Variants in SEMA3A observed in about 807,000 individuals in gnomAD.
SEMA3A encodes the protein semaphorin-3A.
In SEMA3A, 29 loss-of-function variants were observed where a neutral mutation model predicts 97.9. The observed-to-expected ratio is 0.30, with a 90% CI of 0.22 to 0.40. The LOEUF (loss-of-function observed/expected upper bound fraction) is 0.40, where lower values mean the gene tolerates loss of function less well. Ranked by LOEUF, SEMA3A falls within the 10% of genes least tolerant of loss-of-function variation. SEMA3A has a pLI of 1.00. For missense variants in SEMA3A, 763 were observed against 951.3 expected (o/e 0.80, Z 2.60); for synonymous variants, 321 against 323.7 (o/e 0.99, Z 0.09).
chr7:84,203,980 A>AAACATAGG (rs1365295335), intron 3 of SEMA3A, among the ~76,000 whole-genome samples: 1 of 152,176 alleles, frequency 6.6e-6, no homozygotes, highest in East Asian at 1.9e-4. Flanking sequence ...TTCTCCTTCA[A>AAACATAGG]AACATAGGAA....
intron 4 of SEMA3A, among the ~76,000 whole-genome samples, chr7:84,109,943 AT>A (rs1337224425): frequency 3.9e-5 from 6 of 152,284 alleles, no homozygotes; most frequent in African/African-American, 1.4e-4. Context: ...AAAAAAACAT[AT>A]TTTTTTCTTT....
intron 3 of SEMA3A, among the ~76,000 whole-genome samples, chr7:84,219,338 G>A (rs932506467): frequency 6.6e-6 from 1 of 152,114 alleles, no homozygotes; most frequent in Admixed American, 6.6e-5. Flanking sequence ...TAAGGTGGGA[G>A]AACATATCTA....
At chr7:83,963,382 T>C (rs1467870106) in intron 15 of SEMA3A, 35 bp from the exon 16 acceptor site, 1 of 1,583,628 alleles carries the variant, frequency 6.3e-7, no homozygotes, top group Non-Finnish European at 8.6e-7. Flanking sequence ...TGAGAAAATA[T>C]TAGAGAAGTA....
intron 4 of SEMA3A, among the ~76,000 whole-genome samples, chr7:84,108,221 G>A (rs971674217): frequency 1.3e-5 from 2 of 151,984 alleles, no homozygotes; most frequent in African/African-American, 4.8e-5. Flanking sequence ...ATACAGAGGA[G>A]GTAAATAATT....
intron 15 of SEMA3A, among the ~76,000 whole-genome samples, chr7:83,971,605 T>C (rs1261652628): frequency 1.3e-5 from 2 of 152,132 alleles, no homozygotes; most frequent in African/African-American, 4.8e-5. Flanking sequence ...TTAGATTCTA[T>C]GTAAATATTC....
intron 1 of SEMA3A, among the ~76,000 whole-genome samples, chr7:84,175,887 T>C (rs1351449425): frequency 6.6e-6 from 1 of 152,156 alleles, no homozygotes; most frequent in African/African-American, 2.4e-5. Flanking sequence ...TGAACCTTCC[T>C]TGCCCCACAA....
intron 4 of SEMA3A, among the ~76,000 whole-genome samples, chr7:84,068,395 C>A (rs1431177490): frequency 7.1e-6 from 1 of 141,376 alleles, no homozygotes; most frequent in Non-Finnish European, 1.5e-5. Context: ...GCACATTGTG[C>A]ACATGTACCC....
chr7:84,490,137 A>T (rs1327854595), intron 1 of SEMA3A, among the ~76,000 whole-genome samples: 2 of 151,290 alleles, frequency 1.3e-5, no homozygotes, highest in South Asian at 4.2e-4. Flanking sequence ...AACAAATTAT[A>T]ATTCCAGTAA....
chr7:84,332,650 T>C (rs1801935521), intron 2 of SEMA3A, among the ~76,000 whole-genome samples: 1 of 146,370 alleles, frequency 6.8e-6, no homozygotes, highest in Non-Finnish European at 1.5e-5. Context: ...AAGGCACTGA[T>C]AAATTGAAAT....
At chr7:84,392,418 A>C (rs1181144385) in intron 1 of SEMA3A, among the ~76,000 whole-genome samples, 3 of 152,168 alleles carry the variant, frequency 2.0e-5, no homozygotes, top group East Asian at 3.9e-4. Context: ...TTTTAGGCTG[A>C]ATAGTATTCC....
intron 1 of SEMA3A, among the ~76,000 whole-genome samples, chr7:84,140,448 T>G (rs983117693): frequency 6.6e-6 from 1 of 152,122 alleles, no homozygotes; most frequent in African/African-American, 2.4e-5. Context: ...TTTCTCTGTC[T>G]CTCTTTTTCC....
At chr7:84,441,302 C>G (rs962226903) in intron 1 of SEMA3A, among the ~76,000 whole-genome samples, 1 of 151,274 alleles carries the variant, frequency 6.6e-6, no homozygotes, top group Non-Finnish European at 1.5e-5. Flanking sequence ...TTAGGAAAGT[C>G]AAGAAATGAT....
intron 3 of SEMA3A, among the ~76,000 whole-genome samples, chr7:84,299,344 C>CTG (rs1800949406): frequency 7.4e-6 from 1 of 135,140 alleles, no homozygotes; most frequent in Non-Finnish European, 1.6e-5. Context: ...ATGTATCTCT[C>CTG]TCTCTCTCTC....
chr7:84,403,497 A>G (rs951369889), intron 1 of SEMA3A, among the ~76,000 whole-genome samples: 4 of 152,162 alleles, frequency 2.6e-5, no homozygotes, highest in African/African-American at 9.7e-5. Context: ...AAAGATAGCA[A>G]TAACCTCTGC....
intron 1 of SEMA3A, among the ~76,000 whole-genome samples, chr7:84,441,179 A>T (rs1805264509): frequency 1.3e-5 from 2 of 151,648 alleles, no homozygotes; most frequent in Non-Finnish European, 1.5e-5. Flanking sequence ...AAAATAAAAT[A>T]AAAATAAAAA....
At chr7:84,227,769 C>T (rs1224317539) in intron 3 of SEMA3A, among the ~76,000 whole-genome samples, 1 of 151,946 alleles carries the variant, frequency 6.6e-6, no homozygotes, top group Non-Finnish European at 1.5e-5. Flanking sequence ...AAAATAACTC[C>T]CCCACCAGAC....
intron 1 of SEMA3A, among the ~76,000 whole-genome samples, chr7:84,485,500 T>C (rs563949813): frequency 3.3e-5 from 5 of 151,976 alleles, no homozygotes; most frequent in African/African-American, 1.2e-4. Context: ...CTCAGCCTCC[T>C]GAGTAGCTGG....
chr7:83,958,755 G>A lies in SEMA3A; in HGVS notation c.*2616C>T, dbSNP rs1034841410. 29 of 152,404 alleles carry A rather than the reference G, an allele frequency of 1.9e-4. No individual in the cohort carries two copies. Among genetic ancestry groups the A allele is most frequent in the African/African-American group, 7.0e-4 (29 of 41,378 alleles). 9.4% of individuals were successfully genotyped at this position (152,404 alleles called of 1,614,324 possible). Reference sequence around the variant, plus strand: ...TACTAAATAATACATAAAATGAAGTGTGCATTTACATGCATTTACATTTTA... The same window carrying A: ...TACTAAATAATACATAAAATGAAGTATGCATTTACATGCATTTACATTTTA... On this transcript the variant is annotated 3_prime_UTR_variant, in exon 17 of 17. Transcript: ENST00000265362.
chr7:84,400,917 C>T (rs900618876), intron 1 of SEMA3A, among the ~76,000 whole-genome samples: 2 of 152,116 alleles, frequency 1.3e-5, no homozygotes, highest in African/African-American at 4.8e-5. Context: ...TAGCATCACA[C>T]TGAATTGGGA....
Sources: allele counts gnomAD v4.1 joint callset (sites outside exome capture counted in the v4.1 genomes callset), GRCh38; gene constraint gnomAD v4.1.1; transcripts MANE v1.5; gene names NCBI Gene and HGNC (gene_info 2026-07-23, HGNC 2026-07-21).